Variants in PDE6C observed in about 807,000 individuals in gnomAD.
The protein encoded by PDE6C is phosphodiesterase 6C.
PDE6C carries 75 observed loss-of-function variants against 113.1 expected under a neutral mutation model. That is an observed-to-expected ratio of 0.66 (90% CI 0.55 to 0.80). PDE6C has a LOEUF of 0.80. PDE6C is among the 30% of genes least tolerant of loss of function. PDE6C has a pLI of 0.00. For synonymous variants in PDE6C, 375 were observed against 363.7 expected (o/e 1.03, Z -0.35); for missense variants, 912 against 1,038.6 (o/e 0.88, Z 1.67).
chr10:93,638,875 G>C (rs2058546252), intron 11 of PDE6C, among the ~76,000 whole-genome samples: 1 of 152,198 alleles, frequency 6.6e-6, no homozygotes, highest in African/African-American at 2.4e-5. Flanking sequence ...AGGCTCAGGG[G>C]CTGGGGGAAC....
chr10:93,663,157 C>G lies in PDE6C; in HGVS notation c.2497C>G (p.Gln833Glu), dbSNP rs1467953620. Residue 833 changes from glutamine (Q) to glutamate (E), a missense_variant, in exon 21 of 22, where the codon CAA (glutamine) becomes GAA (glutamate). Transcript: ENST00000371447. ...MKVIEEEAKK[Q>E]EGGAEKAAED... is the part of the protein sequence containing the mutation. Reference sequence around the variant, plus strand: ...GGTCATTGAAGAGGAGGCAAAAAAGCAAGAAGGAGGAGCCGAAAAAGGTTA... The same window carrying G: ...GGTCATTGAAGAGGAGGCAAAAAAGGAAGAAGGAGGAGCCGAAAAAGGTTA... The G allele has an allele frequency of 1.2e-6, 2 of 1,613,354 alleles. No individual in the cohort carries two copies. The highest frequency in any genetic ancestry group is 1.7e-6 in the Non-Finnish European group (2 of 1,179,724).
intron 15 of PDE6C, among the ~76,000 whole-genome samples, chr10:93,654,810 C>CTTTTCT (rs2058628472): frequency 1.3e-5 from 1 of 77,116 alleles, no homozygotes; most frequent in Admixed American, 1.5e-4. Flanking sequence ...TTCTTTCTTT[C>CTTTTCT]TTTTTTTTTT....
chr10:93,638,544 G>A (rs1441306337), intron 11 of PDE6C, among the ~76,000 whole-genome samples: 5 of 152,154 alleles, frequency 3.3e-5, no homozygotes, highest in Non-Finnish European at 7.3e-5. Flanking sequence ...TTATTTAAAG[G>A]AAGAAGGATC....
chr10:93,633,606 C>T (rs2058513824), intron 8 of PDE6C, among the ~76,000 whole-genome samples: 1 of 152,120 alleles, frequency 6.6e-6, no homozygotes, highest in Non-Finnish European at 1.5e-5. Context: ...GAGGGCAAGA[C>T]CTGTGATTTA....
At chr10:93,652,814 A>G (rs543377841) in intron 15 of PDE6C, among the ~76,000 whole-genome samples, 1 of 152,306 alleles carries the variant, frequency 6.6e-6, no homozygotes, top group Admixed American at 6.5e-5. Flanking sequence ...GATGTATTTG[A>G]TTTGTTGTAG....
intron 15 of PDE6C, among the ~76,000 whole-genome samples, chr10:93,651,499 TC>T (rs2133872690): frequency 6.6e-6 from 1 of 152,182 alleles, no homozygotes; most frequent in South Asian, 2.1e-4. Context: ...AACCATCAAC[TC>T]TTGTGAGAAC....
chr10:93,619,804 C>A (rs2058436904), intron 1 of PDE6C, among the ~76,000 whole-genome samples: 1 of 152,158 alleles, frequency 6.6e-6, no homozygotes, highest in Non-Finnish European at 1.5e-5. Context: ...AAAGGGATTT[C>A]CTTTTTTGGG....
At position 93,640,952 on chromosome 10, in the gene PDE6C, C is replaced by A; in HGVS notation, c.1770C>A (p.Leu590=). 6.2e-7 allele frequency: 1 copy of A among 1,612,100 alleles called. No homozygotes were observed. Among genetic ancestry groups the A allele is most frequent in the Non-Finnish European group, 8.5e-7 (1 of 1,178,260 alleles). The part of the protein sequence containing the change: ...TGRLKKYYTD[L]EAFAMLAAAF... ...GATTAAAGAAGTACTACACAGATCTCGAAGCCTTTGCCATGCTTGCTGCTG... is the reference window on the plus strand; with the variant it reads ...GATTAAAGAAGTACTACACAGATCTAGAAGCCTTTGCCATGCTTGCTGCTG... The change falls in exon 14 of 22, where the codon CTC becomes CTA. Residue 590 remains leucine, a synonymous_variant. Transcript: ENST00000371447.
Position 93,665,987 on chromosome 10 carries a change from A to G in PDE6C, c.*569A>G, listed in dbSNP as rs536419533. 8.9e-5 allele frequency: 14 copies of G among 156,450 alleles called. No individual in the cohort carries two copies. In the South Asian group the frequency reaches 2.7e-3, roughly 30 times the overall value. The allele number at this position is 156,450 out of a possible 1,614,324, so 9.7% of individuals were successfully genotyped here. On this transcript the variant is annotated 3_prime_UTR_variant, in exon 22 of 22. Coordinates refer to ENST00000371447, the MANE Select transcript of PDE6C (RefSeq NM_006204.4). ...CCCATGTGACCTCATTTTAGTCTTA[A>G]TTACCTCGTTAATGGCCTTATCTCC...
chr10:93,646,126 G>A (rs890900024), intron 15 of PDE6C, 79 bp downstream of exon 15: 1 of 869,160 alleles, frequency 1.2e-6, no homozygotes, highest in Non-Finnish European at 2.0e-6. Flanking sequence ...CTTGGAAAAA[G>A]GGTGGCCTTG....
intron 19 of PDE6C, 53 bp from the exon 20 acceptor site, chr10:93,662,507 T>A: frequency 1.1e-6 from 1 of 872,702 alleles, no homozygotes; most frequent in Non-Finnish European, 2.0e-6. Context: ...AATCAGTCTG[T>A]TTTGTTCATA....
At chr10:93,622,650 G>GTTTTTTTTTTTTTTTTTTT (rs71031523) in intron 4 of PDE6C, among the ~76,000 whole-genome samples, 1 of 107,474 alleles carries the variant, frequency 9.3e-6, no homozygotes, top group South Asian at 2.5e-4. Context: ...TTTTTTTTTT[G>GTTTTTTTTTTTTTTTTTTT]TTTTTTTTTT....
chr10:93,620,872 T>C lies in PDE6C; in HGVS notation c.634-19T>C. ...AAAAGATGTCACAACCATAACTTGT[T>C]ATTCTCTGCCGTCTGTAGGTCTTTT... On this transcript the variant is annotated intron_variant, in intron 2 of 21. Transcript: ENST00000371447. The C allele has an allele frequency of 6.2e-7, 1 of 1,613,472 alleles. No homozygotes were observed. The highest frequency in any genetic ancestry group is 8.5e-7 in the Non-Finnish European group (1 of 1,179,378).
Position 93,641,021 on chromosome 10 carries a change from C to T in PDE6C, c.1839C>T (p.Tyr613=). 1.9e-6 allele frequency: 3 copies of T among 1,585,906 alleles called. No individual in the cohort carries two copies. The highest frequency in any genetic ancestry group is 1.7e-6 in the Non-Finnish European group (2 of 1,154,526). Residue 613 remains tyrosine (Y), a synonymous_variant, in exon 14 of 22, where the codon TAC becomes TAT. Transcript: ENST00000371447. The part of the protein sequence containing the change: ...DIDHRGTNNL[Y]QMKSTSPLAR... Reference sequence around the variant, plus strand: ...ACCACAGAGGCACCAATAATTTGTACCAGATGAAGTAAGTGAACACATGTC... The same window carrying T: ...ACCACAGAGGCACCAATAATTTGTATCAGATGAAGTAAGTGAACACATGTC...
intron 1 of PDE6C, among the ~76,000 whole-genome samples, chr10:93,618,538 G>A (rs181035898): frequency 6.6e-6 from 1 of 152,298 alleles, no homozygotes; most frequent in African/African-American, 2.4e-5. Flanking sequence ...TCCACTTTGG[G>A]AAAGGTATAG....
chr10:93,647,460 T>A (rs1202521947), intron 15 of PDE6C, among the ~76,000 whole-genome samples: 2 of 151,722 alleles, frequency 1.3e-5, no homozygotes, highest in African/African-American at 4.8e-5. Context: ...GGCAGAAAAA[T>A]GGAAAAAGAA....
chr10:93,626,670 A>C lies in PDE6C; in HGVS notation c.970A>C (p.Ile324Leu). 6.3e-7 allele frequency: 1 copy of C among 1,596,942 alleles called. No homozygotes were observed. The highest frequency in any genetic ancestry group is 8.6e-7 in the Non-Finnish European group (1 of 1,164,410). The change falls in exon 6 of 22, where the codon ATT becomes CTT. Residue 324 changes from isoleucine to leucine, a missense_variant. Coordinates refer to ENST00000371447, the MANE Select transcript of PDE6C (RefSeq NM_006204.4). ...EVNFYKIIDY[I>L]LHGKEEIKVI... ...CAACTTTTATAAAATCATTGATTACATTTTACATGGAAAAGAAGAGATCAA... is the reference window on the plus strand; with the variant it reads ...CAACTTTTATAAAATCATTGATTACCTTTTACATGGAAAAGAAGAGATCAA...
At chr10:93,661,521 A>G (rs959524215) in intron 18 of PDE6C, among the ~76,000 whole-genome samples, 1 of 152,196 alleles carries the variant, frequency 6.6e-6, no homozygotes, top group Non-Finnish European at 1.5e-5. Context: ...AAAGAAAAAG[A>G]TCACCCCTTA....
chr10:93,658,882 A>T lies in PDE6C; in HGVS notation c.2037-19A>T. On this transcript the variant is annotated intron_variant, in intron 16 of 21. Coordinates refer to ENST00000371447, the MANE Select transcript of PDE6C (RefSeq NM_006204.4). The stretch of plus-strand genomic sequence containing the variant: ...TTTTCATAAGCTAAAATTGTTGCTC[A>T]CAGCTGTATCTTTTCTAGGAAGAGG... 1.4e-6 allele frequency: 2 copies of T among 1,408,982 alleles called. No individual in the cohort carries two copies. The highest frequency in any genetic ancestry group is 1.2e-5 in the South Asian group (1 of 86,940). 87.3% of individuals were successfully genotyped at this position (1,408,982 alleles called of 1,614,324 possible).
Sources: gnomAD v4.1 joint callset for allele counts (sites outside exome capture counted in the v4.1 genomes callset) on GRCh38, gnomAD v4.1.1 for gene constraint, MANE v1.5 for transcripts, NCBI Gene and HGNC (gene_info 2026-07-23, HGNC 2026-07-21) for gene names.